Variants in CADM2 observed in about 807,000 individuals in gnomAD.
CADM2 encodes immunoglobulin superfamily member 4D.
Under a neutral mutation model 49.8 loss-of-function variants are expected in CADM2, and 12 were observed. The observed-to-expected ratio is 0.24, with a 90% CI of 0.15 to 0.39. The LOEUF is 0.39. Among genes scored for constraint, CADM2 ranks in the 10% least tolerant of loss-of-function variants. CADM2 has a pLI of 1.00. For synonymous variants in CADM2, 214 were observed against 175.4 expected, an observed-to-expected ratio of 1.22 and a Z score of -1.74; for missense variants, 378 against 492.3, an observed-to-expected ratio of 0.77 and a Z score of 2.20.
chr3:85,294,577 G>C (rs1283051202), intron 1 of CADM2, among the ~76,000 whole-genome samples: 1 of 151,910 alleles, frequency 6.6e-6, no homozygotes, highest in Non-Finnish European at 1.5e-5. Flanking sequence ...GCATGGTACT[G>C]GTACCAAAAC....
At chr3:85,418,653 G>T (rs1009483144) in intron 1 of CADM2, among the ~76,000 whole-genome samples, 4 of 151,982 alleles carry the variant, frequency 2.6e-5, no homozygotes, top group African/African-American at 9.7e-5. Flanking sequence ...TAGGTAAATT[G>T]TTAAAATCTC....
chr3:85,477,000 T>C (rs577756521), intron 1 of CADM2, among the ~76,000 whole-genome samples: 1 of 149,436 alleles, frequency 6.7e-6, no homozygotes, highest in Non-Finnish European at 1.5e-5. Context: ...AAAATGAACA[T>C]ATAGAAATGC....
At chr3:85,830,200 G>A (rs1441694809) in intron 3 of CADM2, among the ~76,000 whole-genome samples, 2 of 151,690 alleles carry the variant, frequency 1.3e-5, no homozygotes, top group African/African-American at 4.8e-5. Context: ...TTCTCATTTT[G>A]GTAATAGTCT....
intron 3 of CADM2, among the ~76,000 whole-genome samples, chr3:85,832,859 G>A (rs1356646401): frequency 6.6e-6 from 1 of 151,888 alleles, no homozygotes; most frequent in Non-Finnish European, 1.5e-5. Flanking sequence ...GGAGTGGTGA[G>A]AGTGGGCATC....
chr3:85,752,007 A>T (rs1345722747), intron 2 of CADM2, among the ~76,000 whole-genome samples: 1 of 152,132 alleles, frequency 6.6e-6, no homozygotes, highest in Non-Finnish European at 1.5e-5. Context: ...AAAACACTCA[A>T]CTTTAAGATA....
intron 1 of CADM2, among the ~76,000 whole-genome samples, chr3:85,031,254 C>G (rs1229646086): frequency 2.0e-5 from 3 of 152,174 alleles, no homozygotes; most frequent in Non-Finnish European, 4.4e-5. Flanking sequence ...ACTCAACAGG[C>G]AGTCAAAAGA....
intron 1 of CADM2, among the ~76,000 whole-genome samples, chr3:85,237,143 A>T (rs2042425616): frequency 6.6e-6 from 1 of 152,078 alleles, no homozygotes. Context: ...ATTAGTTTTC[A>T]AAGTTAGGCC....
chr3:85,197,641 A>G (rs922562719), intron 1 of CADM2, among the ~76,000 whole-genome samples: 1 of 151,958 alleles, frequency 6.6e-6, no homozygotes, highest in Non-Finnish European at 1.5e-5. Flanking sequence ...GAAGTTGGAC[A>G]AGTGTTGTTT....
intron 8 of CADM2, among the ~76,000 whole-genome samples, chr3:86,001,979 C>T (rs140078144): frequency 1.3e-5 from 2 of 151,926 alleles, no homozygotes; most frequent in African/African-American, 4.8e-5. Context: ...CAAAATTGGT[C>T]AAGAAAATTG....
At chr3:85,115,682 A>G (rs1236294750) in intron 1 of CADM2, among the ~76,000 whole-genome samples, 1 of 152,192 alleles carries the variant, frequency 6.6e-6, no homozygotes, top group Non-Finnish European at 1.5e-5. Flanking sequence ...ATGTCAAGGT[A>G]AAAGGTTATT....
At chr3:85,003,498 C>T (rs1201244560) in intron 1 of CADM2, among the ~76,000 whole-genome samples, 3 of 152,050 alleles carry the variant, frequency 2.0e-5, no homozygotes, top group African/African-American at 7.2e-5. Flanking sequence ...AGGGATCAAA[C>T]AGCAAAGTGG....
chr3:85,819,147 C>G (rs1180863236), intron 3 of CADM2, among the ~76,000 whole-genome samples: 1 of 152,146 alleles, frequency 6.6e-6, no homozygotes, highest in Non-Finnish European at 1.5e-5. Flanking sequence ...GTCCGATGTT[C>G]AAGGGCAGGA....
At chr3:85,671,657 T>TA (rs756686183) in intron 1 of CADM2, among the ~76,000 whole-genome samples, 12 of 152,146 alleles carry the variant, frequency 7.9e-5, no homozygotes, top group Admixed American at 2.0e-4. Context: ...TCCTAGCTCT[T>TA]AAAGACATGA....
chr3:85,669,552 G>A (rs1471480434), intron 1 of CADM2, among the ~76,000 whole-genome samples: 5 of 152,148 alleles, frequency 3.3e-5, no homozygotes, highest in African/African-American at 4.8e-5. Flanking sequence ...AGAGCAATGT[G>A]TGTTTTCTGC....
intron 1 of CADM2, among the ~76,000 whole-genome samples, chr3:85,529,467 A>G (rs996419875): frequency 6.6e-6 from 1 of 152,206 alleles, no homozygotes; most frequent in African/African-American, 2.4e-5. Flanking sequence ...AATTCCCAGC[A>G]TATGAAAGAC....
chr3:85,812,986 TG>T (rs1172534339), intron 3 of CADM2, among the ~76,000 whole-genome samples: 1 of 152,192 alleles, frequency 6.6e-6, no homozygotes, highest in Non-Finnish European at 1.5e-5. Context: ...TCTTTGCTAC[TG>T]TGAATAGTGC....
At chr3:85,718,070 A>G (rs1256019994) in intron 1 of CADM2, among the ~76,000 whole-genome samples, 1 of 152,196 alleles carries the variant, frequency 6.6e-6, no homozygotes, top group Non-Finnish European at 1.5e-5. Flanking sequence ...ACGTCCAGCC[A>G]GAAGTTAGTT....
At chr3:85,182,938 T>G (rs574058869) in intron 1 of CADM2, among the ~76,000 whole-genome samples, 1 of 152,232 alleles carries the variant, frequency 6.6e-6, no homozygotes, top group East Asian at 1.9e-4. Context: ...TATTTTAATT[T>G]TAGTGTCTTA....
At chr3:85,036,399 A>T (rs2035211663) in intron 1 of CADM2, among the ~76,000 whole-genome samples, 2 of 152,168 alleles carry the variant, frequency 1.3e-5, no homozygotes, top group Admixed American at 6.5e-5. Context: ...AAATAACTTA[A>T]CGACTTAAAA....
Sources: gnomAD v4.1 joint callset for allele counts (sites outside exome capture counted in the v4.1 genomes callset) on GRCh38, gnomAD v4.1.1 for gene constraint, MANE v1.5 for transcripts, NCBI Gene and HGNC (gene_info 2026-07-23, HGNC 2026-07-21) for gene names.